The following CCDC146 variants were observed in gnomAD, a reference collection of about 807,000 sequenced individuals.
The protein encoded by CCDC146 is coiled-coil domain-containing protein 146.
Under a neutral mutation model 119.3 loss-of-function variants are expected in CCDC146, and 92 were observed. The ratio of observed to expected loss-of-function variants is 0.77; its 90% CI spans 0.65 to 0.92. CCDC146 has a LOEUF of 0.92. Among genes scored for constraint, CCDC146 ranks in the 40% least tolerant of loss-of-function variants. The probability of loss-of-function intolerance (pLI) is 0.00; values close to 1 mark genes in which losing one functional copy is unlikely to be tolerated. For synonymous variants in CCDC146, 372 were observed against 371.8 expected, an observed-to-expected ratio of 1.00 and a Z score of -0.01; for missense variants, 1,000 against 1,103.0, an observed-to-expected ratio of 0.91 and a Z score of 1.32.
intron 1 of CCDC146, among the ~76,000 whole-genome samples, chr7:77,166,918 G>C (rs1791345860): frequency 6.6e-6 from 1 of 152,168 alleles, no homozygotes; most frequent in African/African-American, 2.4e-5. Context: ...TTTTGCTCCT[G>C]TGGGAATTTG....
chr7:77,158,756 G>T (rs1161357903), intron 1 of CCDC146, among the ~76,000 whole-genome samples: 1 of 152,106 alleles, frequency 6.6e-6, no homozygotes, highest in Non-Finnish European at 1.5e-5. Context: ...CTGACCTCGT[G>T]ATCCGCCCAC....
chr7:77,278,884 A>G (rs1252838082), intron 12 of CCDC146, 44 bp downstream of exon 12: 8 of 1,598,444 alleles, frequency 5.0e-6, no homozygotes, highest in African/African-American at 4.0e-5. Flanking sequence ...GTGAGGGGAA[A>G]AAAACCTGAT....
At chr7:77,132,384 G>C (rs1386734981) in intron 1 of CCDC146, among the ~76,000 whole-genome samples, 1 of 151,764 alleles carries the variant, frequency 6.6e-6, no homozygotes, top group East Asian at 1.9e-4. Flanking sequence ...GACCAAGTGG[G>C]GTTTATCTCT....
At chr7:77,154,169 T>C (rs1313720631) in intron 1 of CCDC146, among the ~76,000 whole-genome samples, 1 of 152,118 alleles carries the variant, frequency 6.6e-6, no homozygotes, top group Non-Finnish European at 1.5e-5. Context: ...TTGACTATAA[T>C]GTGCTGTACG....
intron 2 of CCDC146, among the ~76,000 whole-genome samples, chr7:77,214,019 T>C (rs1356554207): frequency 6.6e-6 from 1 of 152,234 alleles, no homozygotes; most frequent in East Asian, 1.9e-4. Context: ...GTTCTATTTT[T>C]AGTTCTTTGA....
chr7:77,290,374 A>G (rs1230756993), intron 17 of CCDC146, among the ~76,000 whole-genome samples: 1 of 152,162 alleles, frequency 6.6e-6, no homozygotes, highest in Non-Finnish European at 1.5e-5. Flanking sequence ...CTTAAAGTAT[A>G]ATTTTAAAAA....
intron 18 of CCDC146, among the ~76,000 whole-genome samples, chr7:77,293,566 C>G (rs535098634): frequency 2.6e-5 from 4 of 152,342 alleles, no homozygotes; most frequent in African/African-American, 9.6e-5. Context: ...CTGACTGTTC[C>G]ATGTTCATCT....
In CCDC146 at chr7:77,294,847, T is replaced by C. The variant is rs751478343; in HGVS notation, c.2849T>C (p.Ile950Thr). 6.2e-7 allele frequency: 1 copy of C among 1,613,714 alleles called. No individual in the cohort carries two copies. Among genetic ancestry groups the C allele is most frequent in the Non-Finnish European group, 8.5e-7 (1 of 1,179,982 alleles). Residue 950 changes from isoleucine (I) to threonine (T), a missense_variant, in exon 19 of 19, where the codon ATA (isoleucine) becomes ACA (threonine). Ile to Thr is a moderately conservative substitution (Grantham distance 89). Around this residue, in one of 2 missense-constraint regions of CCDC146, gnomAD observed 985 missense variants for 1,045.3 expected, o/e 0.94. Transcript: ENST00000285871. ...ANMRHIRKPVIKPVEI is the reference protein window; with the variant it reads ...ANMRHIRKPVTKPVEI ...ATGAGGCACATAAGGAAACCTGTTA[T>C]AAAGCCAGTTGAAATCTGAATATGT...
chr7:77,271,296 G>A (rs1055576456), intron 9 of CCDC146, among the ~76,000 whole-genome samples: 7 of 151,052 alleles, frequency 4.6e-5, no homozygotes, highest in South Asian at 4.2e-4. Flanking sequence ...ATGAGAGACC[G>A]GCCTAGCCTC....
chr7:77,161,609 GGGGAACGTCACACTCT>G lies in CCDC146; in HGVS notation c.-11-6045_-11-6030del, dbSNP rs530869602. ...CAATGAGAACACATGGACCCAGGAAGGGGAACGTCACACTCTGGGGACTGTTGTGGGGTGGGGGGAG... is the reference window on the plus strand; with the variant it reads ...CAATGAGAACACATGGACCCAGGAAGGGGGACTGTTGTGGGGTGGGGGGAG... On this transcript the variant is annotated intron_variant, in intron 1 of 18. Coordinates refer to ENST00000285871, the MANE Select transcript of CCDC146 (RefSeq NM_020879.3). 4.6e-4 allele frequency among the ~76,000 whole-genome samples: 65 copies of G among 141,162 alleles called. 2 individuals are homozygous for G. The East Asian group carries it at 0.01, about 23-fold the overall frequency. 92.6% of individuals were successfully genotyped at this position (141,162 alleles called of 152,430 possible).
intron 2 of CCDC146, among the ~76,000 whole-genome samples, chr7:77,215,653 G>A (rs1792288973): frequency 6.6e-6 from 1 of 151,986 alleles, no homozygotes; most frequent in Non-Finnish European, 1.5e-5. Flanking sequence ...AACCTCTTCA[G>A]TCTTATAGAT....
chr7:77,128,227 C>T (rs908044591), intron 1 of CCDC146, among the ~76,000 whole-genome samples: 9 of 151,716 alleles, frequency 5.9e-5, no homozygotes, highest in Non-Finnish European at 7.4e-5. Flanking sequence ...TCATCTTCAG[C>T]GGGAGTTCTC....
intron 2 of CCDC146, among the ~76,000 whole-genome samples, chr7:77,171,153 G>A (rs952271337): frequency 6.6e-6 from 1 of 152,152 alleles, no homozygotes. Context: ...TACCAAAGAC[G>A]TTGACTCAAC....
chr7:77,234,008 G>C (rs937830366), intron 2 of CCDC146, among the ~76,000 whole-genome samples: 2 of 151,854 alleles, frequency 1.3e-5, no homozygotes, highest in Non-Finnish European at 2.9e-5. Context: ...GCATTAAGTA[G>C]GAAGTAATGG....
rs59790661 is a variant in CCDC146, at chr7:77,206,648, CATATATAT to C, written c.157-30281_157-30274del. ...ACTCTGTCTCCAAAAAAGAAACATACATATATATATATATATATATATATACACACACA... is the reference window on the plus strand; with the variant it reads ...ACTCTGTCTCCAAAAAAGAAACATACATATATATATATATATACACACACA... On this transcript the variant is annotated intron_variant, in intron 2 of 18. Transcript: ENST00000285871. Among the ~76,000 whole-genome samples the C allele has an allele frequency of 3.2e-3, 439 of 139,126 alleles. 1 individual carries two copies. The highest frequency in any genetic ancestry group is 0.01 in the African/African-American group (377 of 37,424). The allele number at this position is 139,126 out of a possible 152,430, so 91.3% of individuals were successfully genotyped here. A position where few individuals can be genotyped will look rare whatever the true frequency, so the allele number is the denominator to read the frequency against.
chr7:77,292,936 G>A lies in CCDC146; in HGVS notation c.2416-16G>A. The stretch of plus-strand genomic sequence containing the variant: ...GACTGTATACATAGACTAAGCTTTG[G>A]GCTCTTTAATTCTAGATGAATGGCT... On this transcript the variant is annotated splice_polypyrimidine_tract_variant and intron_variant, in intron 17 of 18. Coordinates refer to ENST00000285871, the MANE Select transcript of CCDC146 (RefSeq NM_020879.3). 1.2e-6 allele frequency: 2 copies of A among 1,611,084 alleles called. No individual in the cohort carries two copies. Among genetic ancestry groups the A allele is most frequent in the Non-Finnish European group, 1.7e-6 (2 of 1,179,470 alleles).
rs1290725175 is a variant in CCDC146 at position 77,287,677 on chromosome 7, T to C, written c.2415+100T>C. 2.3e-6 allele frequency: 3 copies of C among 1,290,718 alleles called. No individual in the cohort carries two copies. The African/African-American group carries it at 4.5e-5, about 19-fold the overall frequency. The allele number at this position is 1,290,718 out of a possible 1,614,324, so 80.0% of individuals were successfully genotyped here. A position where few individuals can be genotyped will look rare whatever the true frequency, so the allele number is the denominator to read the frequency against. ...TTTATTGAGAGAAGCACTGGAGAGA[T>C]TAGGCTTTATGACTAGGGGAACTTA... On this transcript the variant is annotated intron_variant, in intron 17 of 18. Transcript: ENST00000285871.
chr7:77,127,610 A>T (rs991763393), intron 1 of CCDC146, among the ~76,000 whole-genome samples: 1 of 152,086 alleles, frequency 6.6e-6, no homozygotes, highest in African/African-American at 2.4e-5. Context: ...TAGAAGGGCA[A>T]ATGTTGCCTC....
At chr7:77,141,537 A>G (rs544445864) in intron 1 of CCDC146, among the ~76,000 whole-genome samples, 1 of 152,300 alleles carries the variant, frequency 6.6e-6, no homozygotes, top group South Asian at 2.1e-4. Flanking sequence ...TCCCACCAAC[A>G]CAGTAAAAGC....
Sources: gnomAD v4.1 joint callset for allele counts (sites outside exome capture counted in the v4.1 genomes callset) on GRCh38, gnomAD v4.1.1 for gene constraint, gnomAD v4.1.1 regional missense constraint, MANE v1.5 for transcripts, NCBI Gene and HGNC (gene_info 2026-07-23, HGNC 2026-07-21) for gene names.